PHC3: variants seen among roughly 807,000 people sequenced by gnomAD.
PHC3 encodes the protein polyhomeotic-like protein 3.
Under a neutral mutation model 107.4 loss-of-function variants are expected in PHC3, and 13 were observed. That is an observed-to-expected ratio of 0.12 (90% CI 0.08 to 0.19). The LOEUF is 0.19. Ranked by LOEUF, PHC3 falls within the 10% of genes least tolerant of loss-of-function variation. The pLI, the probability that PHC3 is intolerant of heterozygous loss-of-function variation, is 1.00. For synonymous variants in PHC3, 456 were observed against 427.4 expected, an observed-to-expected ratio of 1.07 and a Z score of -0.83; for missense variants, 992 against 1,210.9, an observed-to-expected ratio of 0.82 and a Z score of 2.68.
intron 14 of PHC3, among the ~76,000 whole-genome samples, chr3:170,101,127 T>C (rs975569079): frequency 6.6e-6 from 1 of 152,224 alleles, no homozygotes; most frequent in African/African-American, 2.4e-5. Flanking sequence ...TTAAAACAGA[T>C]TCTAAATCCA....
chr3:170,142,186 CTATTT>C (rs1344965435), intron 6 of PHC3, among the ~76,000 whole-genome samples: 1 of 152,114 alleles, frequency 6.6e-6, no homozygotes, highest in East Asian at 1.9e-4. Context: ...TCAGACACTT[CTATTT>C]TAATTTATTA....
chr3:170,119,036 T>TAAAAAAAAAAAAA (rs1002478959), intron 9 of PHC3, among the ~76,000 whole-genome samples: 8 of 72,624 alleles, frequency 1.1e-4, no homozygotes, highest in East Asian at 7.0e-4. Context: ...TATAAAAAGC[T>TAAAAAAAAAAAAA]AAAAAAAAAA....
chr3:170,136,915 AAAAG>A (rs992701796), intron 6 of PHC3, among the ~76,000 whole-genome samples: 8 of 152,024 alleles, frequency 5.3e-5, no homozygotes, highest in Non-Finnish European at 8.8e-5. Flanking sequence ...GGAGAGAAAA[AAAAG>A]AAAGGAAGAG....
At chr3:170,150,184 G>A (rs1198617525) in intron 4 of PHC3, among the ~76,000 whole-genome samples, 1 of 152,038 alleles carries the variant, frequency 6.6e-6, no homozygotes, top group Non-Finnish European at 1.5e-5. Flanking sequence ...AGTTTATTCT[G>A]TCACATTCTG....
At chr3:170,114,274 G>T (rs1718464000) in intron 10 of PHC3, among the ~76,000 whole-genome samples, 1 of 152,176 alleles carries the variant, frequency 6.6e-6, no homozygotes. Flanking sequence ...CTCCCGAAGT[G>T]CTGGGATTAC....
rs1714203457 is a variant in PHC3, at chr3:170,092,478, T to C, written c.*4752A>G. On this transcript the variant is annotated 3_prime_UTR_variant, in exon 15 of 15. Transcript: ENST00000495893. ...AATATTGATGAATGTGGGTAAACAG[T>C]TCATTTCATGATCCACACTGCTGTG... The C allele has an allele frequency of 6.6e-6, 1 of 152,174 alleles. No homozygotes were observed. The highest frequency in any genetic ancestry group is 1.5e-5 in the Non-Finnish European group (1 of 68,036). The allele number at this position is 152,174 out of a possible 1,614,324, so 9.4% of individuals were successfully genotyped here. A position where few individuals can be genotyped will look rare whatever the true frequency, so the allele number is the denominator to read the frequency against.
Position 170,088,727 on chromosome 3 carries a change from T to A in PHC3, c.*8503A>T, listed in dbSNP as rs1045571249. On this transcript the variant is annotated 3_prime_UTR_variant, in exon 15 of 15. Transcript: ENST00000495893. ...TAAAAATTAAAACACTTGAAAAGTATTTTTTAAACCAGTACCATGGAATAA... is the reference window on the plus strand; with the variant it reads ...TAAAAATTAAAACACTTGAAAAGTAATTTTTAAACCAGTACCATGGAATAA... 1 of 152,250 alleles carries A rather than the reference T, an allele frequency of 6.6e-6. No homozygotes were observed. The highest frequency in any genetic ancestry group is 1.5e-5 in the Non-Finnish European group (1 of 68,042). 9.4% of individuals were successfully genotyped at this position (152,250 alleles called of 1,614,324 possible). A position where few individuals can be genotyped will look rare whatever the true frequency, so the allele number is the denominator to read the frequency against.
At chr3:170,164,699 G>T (rs1055097270) in intron 4 of PHC3, among the ~76,000 whole-genome samples, 1 of 152,096 alleles carries the variant, frequency 6.6e-6, no homozygotes, top group South Asian at 2.1e-4. Flanking sequence ...TTTTCATTTT[G>T]CCTCTTATAA....
At chr3:170,099,918 G>A (rs1715203942) in intron 14 of PHC3, among the ~76,000 whole-genome samples, 1 of 152,182 alleles carries the variant, frequency 6.6e-6, no homozygotes, top group Non-Finnish European at 1.5e-5. Flanking sequence ...ACTGATCTCT[G>A]CAAAAGGCAG....
chr3:170,114,019 C>T (rs749843656), intron 10 of PHC3, among the ~76,000 whole-genome samples: 1 of 151,830 alleles, frequency 6.6e-6, no homozygotes, highest in African/African-American at 2.4e-5. Context: ...TAAATTTTAG[C>T]GTTTTTTCTT....
rs1247337773 is a variant in PHC3, at chr3:170,128,961, A to G, written c.1511T>C (p.Leu504Pro). The G allele has an allele frequency of 1.2e-6, 2 of 1,614,010 alleles. No individual in the cohort carries two copies. Among genetic ancestry groups the G allele is most frequent in the Admixed American group, 1.7e-5 (1 of 60,016 alleles). Residue 504 changes from leucine to proline, a missense_variant, in exon 8 of 15, where the codon CTG becomes CCG. By Grantham distance (98) the Leu-to-Pro change is moderately conservative (BLOSUM62 -3). Around this residue, in one of 6 missense-constraint regions of PHC3, gnomAD observed 543 missense variants for 590.8 expected, o/e 0.92. Transcript: ENST00000495893. ...TGCAATTGGGATTGGAGAGGACTGC[A>G]GGGATGAATATTGCTGGTGTGATGG... Reference protein sequence around the residue: ...VSPSHQQYSSLQSSPIPIASP... With the variant: ...VSPSHQQYSSPQSSPIPIASP...
At position 170,094,825 on chromosome 3, in the gene PHC3, C is replaced by T. The variant is rs1714468508; in HGVS notation, c.*2405G>A. The stretch of plus-strand genomic sequence containing the variant: ...TAGAAAACCCTCTTGTAAGCCCCTC[C>T]TGAATACTTAAGACAGCAGTAGGCA... On this transcript the variant is annotated 3_prime_UTR_variant, in exon 15 of 15. Transcript: ENST00000495893. The T allele has an allele frequency of 6.6e-6, 1 of 152,110 alleles. No homozygotes were observed. Among genetic ancestry groups the T allele is most frequent in the Admixed American group, 6.6e-5 (1 of 15,252 alleles). The allele number at this position is 152,110 out of a possible 1,614,324, so 9.4% of individuals were successfully genotyped here. A position where few individuals can be genotyped will look rare whatever the true frequency, so the allele number is the denominator to read the frequency against.
chr3:170,098,011 A>G (rs936402818), intron 14 of PHC3, among the ~76,000 whole-genome samples: 2 of 152,134 alleles, frequency 1.3e-5, no homozygotes, highest in African/African-American at 4.8e-5. Context: ...TGACTTGACT[A>G]TCACTGGGCT....
chr3:170,123,404 T>TA (rs1410414431), intron 8 of PHC3, among the ~76,000 whole-genome samples: 6 of 150,410 alleles, frequency 4.0e-5, no homozygotes, highest in African/African-American at 1.5e-4. Context: ...CTTATTTTTT[T>TA]ACTCTTTTTA....
chr3:170,174,346 A>G (rs1179362161), intron 2 of PHC3, among the ~76,000 whole-genome samples: 2 of 152,210 alleles, frequency 1.3e-5, no homozygotes, highest in Non-Finnish European at 2.9e-5. Context: ...AATTCCTTAA[A>G]AAGTGTTAAT....
chr3:170,177,282 G>A (rs1178103225), intron 2 of PHC3, among the ~76,000 whole-genome samples: 2 of 152,124 alleles, frequency 1.3e-5, no homozygotes, highest in Non-Finnish European at 1.5e-5. Flanking sequence ...TCATACTGTA[G>A]CAGCACCTAG....
intron 4 of PHC3, among the ~76,000 whole-genome samples, chr3:170,163,704 A>G (rs1728274534): frequency 6.6e-6 from 1 of 151,850 alleles, no homozygotes; most frequent in Non-Finnish European, 1.5e-5. Flanking sequence ...CTCTACTAAA[A>G]ATACAAAAAT....
intron 4 of PHC3, among the ~76,000 whole-genome samples, chr3:170,151,194 G>C (rs1725911742): frequency 6.6e-6 from 1 of 152,174 alleles, no homozygotes; most frequent in African/African-American, 2.4e-5. Flanking sequence ...CTGGGCAACA[G>C]AGCGAGACTC....
chr3:170,179,039 T>C, intron 1 of PHC3, 101 bp from the exon 2 acceptor site: 2 of 1,151,000 alleles, frequency 1.7e-6, no homozygotes, highest in Non-Finnish European at 2.5e-6. Flanking sequence ...TCTAAACTGC[T>C]AGGAAGGCTC....
Sources: gnomAD v4.1 joint callset for allele counts (sites outside exome capture counted in the v4.1 genomes callset) on GRCh38, gnomAD v4.1.1 for gene constraint, gnomAD v4.1.1 regional missense constraint, MANE v1.5 for transcripts, NCBI Gene and HGNC (gene_info 2026-07-23, HGNC 2026-07-21) for gene names.